ADCY7: variants seen among roughly 807,000 people sequenced by gnomAD.
ADCY7 encodes the protein adenylate cyclase 7, also known as adenylate cyclase type 7.
ADCY7 carries 72 observed loss-of-function variants against 120.6 expected under a neutral mutation model. The observed-to-expected ratio is 0.60, with a 90% CI of 0.49 to 0.73. The LOEUF (loss-of-function observed/expected upper bound fraction) is 0.73. ADCY7 is among the 30% of genes least tolerant of loss of function. The probability of loss-of-function intolerance (pLI) is 0.00; values close to 1 mark genes in which losing one functional copy is unlikely to be tolerated. For synonymous variants in ADCY7, 661 were observed against 628.0 expected (o/e 1.05, Z -0.78); for missense variants, 1,227 against 1,486.0 (o/e 0.83, Z 2.87).
upstream of ADCY7, among the ~76,000 whole-genome samples, chr16:50,245,137 A>G (rs1446957632): frequency 6.6e-6 from 1 of 152,248 alleles, no homozygotes. Flanking sequence ...AGCAGGCTCC[A>G]GGATTCCACC....
intron 6 of ADCY7, 150 bp downstream of exon 6, chr16:50,293,652 G>A: frequency 1.0e-6 from 1 of 963,836 alleles, no homozygotes; most frequent in Non-Finnish European, 1.5e-6. Flanking sequence ...GTCAATCTGG[G>A]GCCCTCCCTG....
In ADCY7 at chr16:50,314,374, G is replaced by A. The variant is rs1407751115; in HGVS notation, c.2939G>A (p.Arg980Lys). ...ALMSKLDGIN[R>K]HSFNSFRLRV... ...ATGAGTAAGCTGGACGGCATCAACAGGCACTCCTTCAACTCCTTCCGCCTC... is the reference window on the plus strand; with the variant it reads ...ATGAGTAAGCTGGACGGCATCAACAAGCACTCCTTCAACTCCTTCCGCCTC... Residue 980 changes from arginine (R) to lysine (K), a missense_variant, in exon 24 of 26, where the codon AGG (arginine) becomes AAG (lysine). Arg to Lys is a conservative substitution (Grantham distance 26, BLOSUM62 2). This residue lies in a region of ADCY7 where 244 missense variants were observed against 332.8 expected (regional missense o/e 0.73). Transcript: ENST00000673801. 6.2e-7 allele frequency: 1 copy of A among 1,613,996 alleles called. No homozygotes were observed. The highest frequency in any genetic ancestry group is 1.3e-5 in the African/African-American group (1 of 74,934).
At chr16:50,262,406 G>A (rs1023255263), upstream of ADCY7, among the ~76,000 whole-genome samples, 2 of 151,672 alleles carry the variant, frequency 1.3e-5, no homozygotes, top group African/African-American at 4.8e-5. Flanking sequence ...TCAGGTGCCC[G>A]CCACAATGCC....
intron 1 of ADCY7, among the ~76,000 whole-genome samples, chr16:50,267,438 G>A (rs1003247972): frequency 1.3e-5 from 2 of 152,236 alleles, no homozygotes; most frequent in Non-Finnish European, 2.9e-5. Flanking sequence ...GCCGGGAGGG[G>A]GAAGCCAAGG....
chr16:50,267,470 C>T (rs961718640), intron 1 of ADCY7, among the ~76,000 whole-genome samples: 15 of 152,194 alleles, frequency 9.9e-5, no homozygotes, highest in East Asian at 1.9e-4. Context: ...GGGGCCAGGC[C>T]GAGCCACCTA....
At chr16:50,288,510 C>T (rs988061552) in intron 2 of ADCY7, among the ~76,000 whole-genome samples, 160 bp downstream of exon 2, 2 of 152,238 alleles carry the variant, frequency 1.3e-5, no homozygotes, top group Admixed American at 6.5e-5. Context: ...CAGAGTCTCA[C>T]TCTGTCACCC....
intron 15 of ADCY7, among the ~76,000 whole-genome samples, 167 bp from the exon 16 acceptor site, chr16:50,308,154 GCCCTGT>G (rs1269446779): frequency 6.6e-6 from 1 of 152,218 alleles, no homozygotes; most frequent in Non-Finnish European, 1.5e-5. Context: ...ATCTAGCTGG[GCCCTGT>G]GTATTGCCCA....
Position 50,293,505 on chromosome 16 carries a change from G to A in ADCY7, c.836+3G>A. 1 of 1,613,750 alleles carries A rather than the reference G, an allele frequency of 6.2e-7. No individual in the cohort carries two copies. The highest frequency in any genetic ancestry group is 8.5e-7 in the Non-Finnish European group (1 of 1,179,936). On this transcript the variant is annotated splice_donor_region_variant and intron_variant, in intron 6 of 25. Transcript: ENST00000673801. ...GTCAAGAGGCACCAGAATGTCAGGT[G>A]GGCGGTGAGACGTGTGATTAGCATA... is the stretch of plus-strand genomic sequence containing the variant.
chr16:50,294,624 C>A lies in ADCY7; in HGVS notation c.837-16C>A. The A allele has an allele frequency of 2.1e-6, 3 of 1,450,782 alleles. No homozygotes were observed. The highest frequency in any genetic ancestry group is 2.9e-6 in the Non-Finnish European group (3 of 1,039,086). 89.9% of individuals were successfully genotyped at this position (1,450,782 alleles called of 1,614,324 possible). On this transcript the variant is annotated splice_polypyrimidine_tract_variant and intron_variant, in intron 6 of 25. Coordinates refer to ENST00000673801, the MANE Select transcript of ADCY7 (RefSeq NM_001114.5). Reference sequence around the variant, plus strand: ...GCCTGGCTCTGACACTCCCTCCCACCCTGCCCCATCCCCAGCATCCTCTAT... The same window carrying A: ...GCCTGGCTCTGACACTCCCTCCCACACTGCCCCATCCCCAGCATCCTCTAT...
intron 1 of ADCY7, among the ~76,000 whole-genome samples, chr16:50,258,300 T>C (rs915040465): frequency 2.0e-5 from 3 of 152,144 alleles, no homozygotes; most frequent in African/African-American, 7.2e-5. Context: ...ATATGTTTCT[T>C]CAGTTTTTCA....
chr16:50,306,629 G>A (rs1462048297), intron 14 of ADCY7, among the ~76,000 whole-genome samples: 1 of 152,168 alleles, frequency 6.6e-6, no homozygotes, highest in Non-Finnish European at 1.5e-5. Flanking sequence ...TTGAGGTGAG[G>A]ACAGCCCCGG....
At chr16:50,247,799 C>A (rs927241398) in intron 1 of ADCY7, among the ~76,000 whole-genome samples, 1 of 152,200 alleles carries the variant, frequency 6.6e-6, no homozygotes, top group Non-Finnish European at 1.5e-5. Flanking sequence ...AGCTGCCTCT[C>A]CTCTGCTCGT....
At chr16:50,265,079 C>T (rs922576661), upstream of ADCY7, among the ~76,000 whole-genome samples, 7 of 152,086 alleles carry the variant, frequency 4.6e-5, no homozygotes, top group African/African-American at 9.7e-5. Context: ...TCAGGTGATC[C>T]GCCCACCTTA....
intron 1 of ADCY7, among the ~76,000 whole-genome samples, chr16:50,285,010 C>T (rs771344743): frequency 6.6e-6 from 1 of 152,160 alleles, no homozygotes; most frequent in Non-Finnish European, 1.5e-5. Flanking sequence ...GTTTGGCAAC[C>T]CCCACAGCAC....
At chr16:50,246,400 G>GA (rs1461185088) in intron 1 of ADCY7, among the ~76,000 whole-genome samples, 1 of 152,096 alleles carries the variant, frequency 6.6e-6, no homozygotes, top group African/African-American at 2.4e-5. Flanking sequence ...AATGCTCCGA[G>GA]ACCCCTCCCT....
At chr16:50,293,890 C>T (rs1023706282) in intron 6 of ADCY7, among the ~76,000 whole-genome samples, 32 of 152,222 alleles carry the variant, frequency 2.1e-4, no homozygotes, top group African/African-American at 7.0e-4. Context: ...CCGGTTCTGA[C>T]ACCTGTCTTT....
At position 50,304,127 on chromosome 16, in the gene ADCY7, C is replaced by T. The variant is rs180990129; in HGVS notation, c.1369-233C>T. On this transcript the variant is annotated intron_variant, in intron 10 of 25. Transcript: ENST00000673801. Reference sequence around the variant, plus strand: ...TCGGCCTGGGGAAAGGCCAGGGCACCGAGCTGGGACCCCATATGGCCTGGC... The same window carrying T: ...TCGGCCTGGGGAAAGGCCAGGGCACTGAGCTGGGACCCCATATGGCCTGGC... Among the ~76,000 whole-genome samples, 53 of 152,256 alleles carry T rather than the reference C, an allele frequency of 3.5e-4. No individual in the cohort carries two copies. In the East Asian group the frequency reaches 8.9e-3, roughly 26 times the overall value.
At chr16:50,254,770 A>G (rs1463998702) in intron 1 of ADCY7, among the ~76,000 whole-genome samples, 1 of 152,054 alleles carries the variant, frequency 6.6e-6, no homozygotes, top group Non-Finnish European at 1.5e-5. Flanking sequence ...CAGGGAACAC[A>G]CCTTTGGTTT....
intron 1 of ADCY7, among the ~76,000 whole-genome samples, chr16:50,280,705 T>G (rs1402425189): frequency 1.3e-5 from 2 of 152,210 alleles, no homozygotes; most frequent in African/African-American, 4.8e-5. Context: ...CCCTCAGTTT[T>G]TCTCCAGTTG....
Sources: gnomAD v4.1 joint callset for allele counts (sites outside exome capture counted in the v4.1 genomes callset) on GRCh38, gnomAD v4.1.1 for gene constraint, gnomAD v4.1.1 regional missense constraint, MANE v1.5 for transcripts, NCBI Gene and HGNC (gene_info 2026-07-23, HGNC 2026-07-21) for gene names.